The following NF1 variants were observed in gnomAD, a reference collection of about 807,000 sequenced individuals.
NF1 encodes neurofibromin 1.
In NF1, 122 loss-of-function variants were observed where a neutral mutation model predicts 325.7. The ratio of observed to expected loss-of-function variants is 0.37; its 90% CI spans 0.32 to 0.44. NF1 has a LOEUF of 0.44. Among genes scored for constraint, NF1 ranks in the 20% least tolerant of loss-of-function variants. The pLI is 1.00. For synonymous variants in NF1, 1,091 were observed against 1,186.0 expected (o/e 0.92, Z 1.65); for missense variants, 2,140 against 3,415.4 (o/e 0.63, Z 9.31).
intron 8 of NF1, among the ~76,000 whole-genome samples, chr17:31,189,606 C>G (rs1461862269): frequency 5.3e-5 from 8 of 152,138 alleles, no homozygotes; most frequent in Admixed American, 2.6e-4. Context: ...TAATTCTAAA[C>G]TAGACATTTC....
intron 36 of NF1, among the ~76,000 whole-genome samples, chr17:31,324,544 C>G (rs1323542311): frequency 6.6e-6 from 1 of 152,048 alleles, no homozygotes; most frequent in East Asian, 1.9e-4. Context: ...CTATCTAATT[C>G]TAACAATACA....
In NF1 at chr17:31,192,068, CT is replaced by C. The variant is rs17885786; in HGVS notation, c.889-8347del. ...CACCTGTTTCTTTTGACTATAGTAT[CT>C]TTTTTTAAAAAGAAATATTTGAAAT... On this transcript the variant is annotated intron_variant, in intron 8 of 57. Coordinates refer to ENST00000358273, the MANE Select transcript of NF1 (RefSeq NM_001042492.3). Among the ~76,000 whole-genome samples, 1,412 of 152,184 alleles carry C rather than the reference CT, an allele frequency of 9.3e-3. 24 individuals are homozygous for C. Among genetic ancestry groups the C allele is most frequent in the African/African-American group, 0.032 (1,331 of 41,526 alleles).
intron 1 of NF1, among the ~76,000 whole-genome samples, chr17:31,126,551 C>T (rs3923364): frequency 0.024 from 3,708 of 152,196 alleles, 149 homozygotes; most frequent in African/African-American, 0.083. Context: ...AAGCTATCCT[C>T]CCACCTCAGC....
At chr17:31,216,748 A>G (rs1486203224) in intron 13 of NF1, among the ~76,000 whole-genome samples, 6 of 152,044 alleles carry the variant, frequency 3.9e-5, no homozygotes, top group East Asian at 1.9e-4. Context: ...TCTTTCTCCC[A>G]TCTACCATTT....
intron 36 of NF1, among the ~76,000 whole-genome samples, chr17:31,290,728 G>C (rs1360492206): frequency 6.6e-6 from 1 of 152,130 alleles, no homozygotes; most frequent in Non-Finnish European, 1.5e-5. Flanking sequence ...AATATCGGCC[G>C]GGCACGGTGG....
At chr17:31,357,411 C>CT (rs2070301393) in intron 54 of NF1, 42 bp downstream of exon 54, 4 of 1,488,676 alleles carry the variant, frequency 2.7e-6, no homozygotes, top group Non-Finnish European at 3.8e-6. Flanking sequence ...TCGTGCCTGT[C>CT]TTTAAGTTAA....
At position 31,374,571 on chromosome 17, in the gene NF1, C is replaced by T. The variant is rs1461893862; in HGVS notation, c.*416C>T. The T allele has an allele frequency of 1.9e-5, 6 of 324,174 alleles. No individual in the cohort carries two copies. Among genetic ancestry groups the T allele is most frequent in the Non-Finnish European group, 3.5e-5 (6 of 171,612 alleles). The allele number at this position is 324,174 out of a possible 1,614,324, so 20.1% of individuals were successfully genotyped here. ...CATCCTACAGAGTAAAGTGTTAGTC[C>T]TATTTATACATTTTTCAAGATACAA... is the stretch of plus-strand genomic sequence containing the variant. On this transcript the variant is annotated 3_prime_UTR_variant, in exon 58 of 58. Transcript: ENST00000358273.
chr17:31,232,927 A>G, intron 26 of NF1, 46 bp downstream of exon 26: 1 of 1,613,652 alleles, frequency 6.2e-7, no homozygotes, highest in Admixed American at 1.7e-5. Flanking sequence ...AACCTAGAGA[A>G]CTGGCATGTA....
In NF1 at chr17:31,105,809, C is replaced by T. The variant is rs892495553; in HGVS notation, c.60+10440C>T. Among the ~76,000 whole-genome samples, 182 of 152,270 alleles carry T rather than the reference C, an allele frequency of 1.2e-3. 1 individual carries two copies. The highest frequency in any genetic ancestry group is 7.4e-5 in the Non-Finnish European group (5 of 68,022). On this transcript the variant is annotated intron_variant, in intron 1 of 57. Coordinates refer to ENST00000358273, the MANE Select transcript of NF1 (RefSeq NM_001042492.3). The stretch of plus-strand genomic sequence containing the variant: ...GATTACAGGCATGAGCCACCGTGCC[C>T]GGCTGAGAACTTAACTTTTTCTGAT...
intron 25 of NF1, among the ~76,000 whole-genome samples, 164 bp downstream of exon 25, chr17:31,232,353 A>G (rs2067127776): frequency 6.6e-6 from 1 of 152,152 alleles, no homozygotes; most frequent in Non-Finnish European, 1.5e-5. Context: ...TTTTGCTTAT[A>G]ATAAAACCCA....
chr17:31,302,064 A>G (rs2068584684), intron 36 of NF1, among the ~76,000 whole-genome samples: 1 of 152,218 alleles, frequency 6.6e-6, no homozygotes, highest in African/African-American at 2.4e-5. Flanking sequence ...CTCAGCTTCC[A>G]CTGACCTCAC....
chr17:31,320,603 A>G (rs1476566781), intron 36 of NF1: 2 of 513,482 alleles, frequency 3.9e-6, no homozygotes, highest in Non-Finnish European at 6.9e-6. Flanking sequence ...CTAACTGGAG[A>G]CTATATTTCA....
chr17:31,365,017 G>T (rs2151592482), intron 57 of NF1, among the ~76,000 whole-genome samples: 1 of 152,228 alleles, frequency 6.6e-6, no homozygotes, highest in Middle Eastern at 3.4e-3. Context: ...ATGAAACCCA[G>T]GCTGAGTGCG....
intron 1 of NF1, among the ~76,000 whole-genome samples, chr17:31,147,413 G>A (rs1259144317): frequency 1.3e-5 from 2 of 152,120 alleles, no homozygotes; most frequent in Non-Finnish European, 2.9e-5. Context: ...ATTTTTTCAT[G>A]GTATGACTAT....
chr17:31,226,688 A>C lies in NF1; in HGVS notation c.2251+4A>C. ...GTCAGCAATATGATGTCAACAGGTA[A>C]ATGTGAATAGTGGTTTTTTTTACTC... On this transcript the variant is annotated splice_donor_region_variant and intron_variant, in intron 18 of 57. Coordinates refer to ENST00000358273, the MANE Select transcript of NF1 (RefSeq NM_001042492.3). 6.2e-7 allele frequency: 1 copy of C among 1,613,690 alleles called. No individual in the cohort carries two copies. Among genetic ancestry groups the C allele is most frequent in the Non-Finnish European group, 8.5e-7 (1 of 1,179,742 alleles).
At chr17:31,311,688 C>CT (rs2068880715) in intron 36 of NF1, among the ~76,000 whole-genome samples, 1 of 152,104 alleles carries the variant, frequency 6.6e-6, no homozygotes, top group Non-Finnish European at 1.5e-5. Context: ...TTTTTTCATC[C>CT]TACAGATAAG....
At chr17:31,181,365 G>C (rs2066129337) in intron 5 of NF1, 57 bp from the exon 6 acceptor site, 1 of 1,466,124 alleles carries the variant, frequency 6.8e-7, no homozygotes, top group Admixed American at 1.7e-5. Context: ...TTTGCTCTGA[G>C]TTGTATTTGT....
intron 57 of NF1, chr17:31,361,081 CAAAAAAAAAAAAAAA>C (rs60249232): frequency 1.5e-4 from 7 of 46,546 alleles, no homozygotes; most frequent in East Asian, 8.3e-4. Context: ...CATACTATAT[CAAAAAAAAAAAAAAA>C]AAAAAAAAAA....
chr17:31,179,280 T>C (rs2066081791), intron 5 of NF1, among the ~76,000 whole-genome samples: 1 of 152,014 alleles, frequency 6.6e-6, no homozygotes, highest in South Asian at 2.1e-4. Flanking sequence ...GATAACAAAA[T>C]GAAGGCAGAA....
Sources: gnomAD v4.1 joint callset for allele counts (sites outside exome capture counted in the v4.1 genomes callset) on GRCh38, gnomAD v4.1.1 for gene constraint, MANE v1.5 for transcripts, NCBI Gene and HGNC (gene_info 2026-07-23, HGNC 2026-07-21) for gene names.